The following ERBB4 variants were observed in gnomAD, a reference collection of about 807,000 sequenced individuals.
ERBB4 encodes the protein receptor tyrosine-protein kinase erbB-4.
ERBB4 carries 42 observed loss-of-function variants against 158.0 expected under a neutral mutation model. The ratio of observed to expected loss-of-function variants is 0.27; its 90% confidence interval spans 0.21 to 0.34. The LOEUF is 0.34. Ranked by LOEUF, ERBB4 falls within the 10% of genes least tolerant of loss-of-function variation. The pLI, the probability that ERBB4 is intolerant of heterozygous loss-of-function variation, is 1.00. For missense variants in ERBB4, 1,333 were observed against 1,624.1 expected (o/e 0.82, Z 3.08); for synonymous variants, 583 against 558.7 (o/e 1.04, Z -0.61).
intron 18 of ERBB4, among the ~76,000 whole-genome samples, chr2:211,621,451 T>TA (rs1277186428): frequency 6.6e-6 from 1 of 152,158 alleles, no homozygotes; most frequent in East Asian, 1.9e-4. Flanking sequence ...GATTAAAACT[T>TA]AGAGTCAACC....
chr2:212,367,497 A>G (rs760612119), intron 1 of ERBB4, among the ~76,000 whole-genome samples: 75 of 152,228 alleles, frequency 4.9e-4, no homozygotes, highest in African/African-American at 1.7e-3. Context: ...AGAAGATAAC[A>G]TTGGAAAAAC....
intron 1 of ERBB4, among the ~76,000 whole-genome samples, chr2:212,398,953 A>G (rs1293384469): frequency 1.3e-5 from 2 of 152,004 alleles, no homozygotes; most frequent in East Asian, 3.9e-4. Flanking sequence ...TTTTATTATT[A>G]TTATTTTTGA....
At chr2:212,388,621 C>CA (rs1313091397) in intron 1 of ERBB4, among the ~76,000 whole-genome samples, 1 of 151,896 alleles carries the variant, frequency 6.6e-6, no homozygotes, top group East Asian at 1.9e-4. Context: ...AGTCAGGCAT[C>CA]AAAAAAATGG....
chr2:211,964,109 A>G (rs1188513792), intron 2 of ERBB4, among the ~76,000 whole-genome samples: 1 of 152,096 alleles, frequency 6.6e-6, no homozygotes, highest in Non-Finnish European at 1.5e-5. Flanking sequence ...TTCTCTTGGG[A>G]AGGGATTTAT....
At chr2:211,462,657 C>A (rs991079902) in intron 20 of ERBB4, among the ~76,000 whole-genome samples, 1 of 152,102 alleles carries the variant, frequency 6.6e-6, no homozygotes, top group African/African-American at 2.4e-5. Flanking sequence ...TTATAATGGG[C>A]TGTTACACTT....
chr2:211,583,557 C>T (rs986343189), intron 19 of ERBB4, among the ~76,000 whole-genome samples: 13 of 151,096 alleles, frequency 8.6e-5, no homozygotes, highest in Non-Finnish European at 1.9e-4. Context: ...GTTTTATTTT[C>T]TAAAATAAAT....
chr2:211,412,908 C>T (rs541901315), intron 25 of ERBB4, among the ~76,000 whole-genome samples: 11 of 148,328 alleles, frequency 7.4e-5, no homozygotes, highest in East Asian at 6.0e-4. Flanking sequence ...GAGCCGAGAT[C>T]GCTCCACTGC....
intron 1 of ERBB4, among the ~76,000 whole-genome samples, chr2:212,382,454 C>G (rs2090536797): frequency 6.6e-6 from 1 of 150,480 alleles, no homozygotes; most frequent in Admixed American, 6.7e-5. Flanking sequence ...ATGTAGTATA[C>G]AACTGCATAT....
chr2:212,357,872 T>C (rs1045171051), intron 1 of ERBB4, among the ~76,000 whole-genome samples: 1 of 151,884 alleles, frequency 6.6e-6, no homozygotes, highest in African/African-American at 2.4e-5. Context: ...GTTTAGATAA[T>C]GGTCAAACAA....
chr2:211,487,229 G>A (rs1407589449), intron 20 of ERBB4, among the ~76,000 whole-genome samples: 5 of 143,874 alleles, frequency 3.5e-5, no homozygotes, highest in Non-Finnish European at 6.0e-5. Context: ...TCCCACCTAT[G>A]AGTGAGAACA....
chr2:212,267,200 G>A (rs539933740), intron 1 of ERBB4, among the ~76,000 whole-genome samples: 1 of 152,048 alleles, frequency 6.6e-6, no homozygotes, highest in South Asian at 2.1e-4. Context: ...GCTGCTTTGT[G>A]AACATGCATT....
chr2:211,859,774 T>C (rs1033219428), intron 3 of ERBB4, among the ~76,000 whole-genome samples: 3 of 152,180 alleles, frequency 2.0e-5, no homozygotes, highest in Admixed American at 1.3e-4. Flanking sequence ...AAAGCACACA[T>C]ATAATTAGTA....
chr2:211,440,401 C>A (rs1036297153), intron 20 of ERBB4, among the ~76,000 whole-genome samples: 1 of 87,196 alleles, frequency 1.1e-5, no homozygotes, highest in African/African-American at 3.3e-5. Context: ...AGTGTGCAAC[C>A]TATTAATACA....
chr2:211,662,403 A>G (rs2071463477), intron 15 of ERBB4, among the ~76,000 whole-genome samples: 1 of 152,180 alleles, frequency 6.6e-6, no homozygotes, highest in Non-Finnish European at 1.5e-5. Flanking sequence ...CTTGCTTATC[A>G]TTTCAAAATA....
intron 9 of ERBB4, among the ~76,000 whole-genome samples, chr2:211,707,887 G>GTT (rs140850065): frequency 0.028 from 4,310 of 152,092 alleles, 66 homozygotes; most frequent in South Asian, 0.038. Flanking sequence ...TTTAAAAAGC[G>GTT]TAACAACCTC....
At chr2:211,511,732 A>C (rs920892819) in intron 20 of ERBB4, among the ~76,000 whole-genome samples, 6 of 152,116 alleles carry the variant, frequency 3.9e-5, no homozygotes, top group Admixed American at 3.9e-4. Flanking sequence ...GCATTAAAAA[A>C]AGAGAAAAGA....
At chr2:211,694,451 G>T (rs2072933892) in intron 12 of ERBB4, among the ~76,000 whole-genome samples, 1 of 152,048 alleles carries the variant, frequency 6.6e-6, no homozygotes, top group Non-Finnish European at 1.5e-5. Context: ...TAATTGGCAA[G>T]AGTAACTGCT....
At chr2:211,964,953 T>G (rs540534224) in intron 2 of ERBB4, among the ~76,000 whole-genome samples, 2 of 152,290 alleles carry the variant, frequency 1.3e-5, no homozygotes, top group East Asian at 1.9e-4. Flanking sequence ...AATATAAAAT[T>G]TAATGTTATT....
chr2:211,673,639 T>C (rs927463792), intron 13 of ERBB4, among the ~76,000 whole-genome samples: 3 of 152,006 alleles, frequency 2.0e-5, no homozygotes, highest in Non-Finnish European at 4.4e-5. Flanking sequence ...GAGAAGCTTT[T>C]ATTTCTAAAC....
Sources: gnomAD v4.1 joint callset for allele counts (sites outside exome capture counted in the v4.1 genomes callset) on GRCh38, gnomAD v4.1.1 for gene constraint, MANE v1.5 for transcripts, NCBI Gene and HGNC (gene_info 2026-07-23, HGNC 2026-07-21) for gene names.